LOC102723971: variants seen among roughly 807,000 people sequenced by gnomAD.
chr9:135,618,098 G>C, the LOC102723971 span: 2 of 398,608 alleles, frequency 5.0e-6, no homozygotes, highest in Non-Finnish European at 8.8e-6. Context: ...AGGGCCTGAG[G>C]GTCTGGGGCC....
chr9:135,617,465 G>A, the LOC102723971 span, among the ~76,000 whole-genome samples: 1 of 152,194 alleles, frequency 6.6e-6, no homozygotes, highest in Admixed American at 6.5e-5. Context: ...GTGTCCTGAA[G>A]ACGAGGTGGA....
the LOC102723971 span, among the ~76,000 whole-genome samples, chr9:135,614,722 G>A: frequency 4.6e-5 from 7 of 152,244 alleles, no homozygotes; most frequent in East Asian, 5.8e-4. Context: ...GAGCAGGGGA[G>A]GGGTTCACCC....
the LOC102723971 span, among the ~76,000 whole-genome samples, chr9:135,615,869 T>C: frequency 1.8e-3 from 269 of 152,316 alleles, 1 homozygote; most frequent in African/African-American, 5.9e-3. Flanking sequence ...CCGGCCCCGA[T>C]GTAAGCCAGG....
the LOC102723971 span, among the ~76,000 whole-genome samples, chr9:135,615,114 C>G: frequency 1.3e-5 from 2 of 152,212 alleles, no homozygotes; most frequent in Non-Finnish European, 2.9e-5. Flanking sequence ...AGGGGCACGA[C>G]CACCTGCTGA....
chr9:135,615,219 C>T, the LOC102723971 span: 1 of 394,966 alleles, frequency 2.5e-6, no homozygotes, highest in African/African-American at 2.1e-5. Context: ...TGTCCCGGCC[C>T]ACGCCCCTGC....
the LOC102723971 span, chr9:135,617,949 C>T: frequency 1.5e-5 from 6 of 398,552 alleles, no homozygotes; most frequent in Non-Finnish European, 2.2e-5. Flanking sequence ...CTGATTCCAG[C>T]GAGAAGAATG....
At chr9:135,618,847 T>C in the LOC102723971 span, 3 of 398,508 alleles carry the variant, frequency 7.5e-6, no homozygotes, top group Non-Finnish European at 8.8e-6. Context: ...TGTTTTGTGC[T>C]ATGTGATTGA....
At chr9:135,615,387 A>C in the LOC102723971 span, 252 of 398,684 alleles carry the variant, frequency 6.3e-4, no homozygotes, top group East Asian at 7.4e-3. Flanking sequence ...CTCACCCTGC[A>C]GCTGGCAGCC....
the LOC102723971 span, among the ~76,000 whole-genome samples, chr9:135,619,234 C>T: frequency 2.6e-5 from 4 of 152,204 alleles, no homozygotes; most frequent in Non-Finnish European, 5.9e-5. Context: ...GCAGTGTGCC[C>T]CAGCCTGGCC....
At chr9:135,618,215 T>G in the LOC102723971 span, among the ~76,000 whole-genome samples, 3 of 152,178 alleles carry the variant, frequency 2.0e-5, no homozygotes, top group African/African-American at 7.2e-5. Context: ...CAGCCCCACA[T>G]GACACAGTGA....
At chr9:135,619,860 CT>C in the LOC102723971 span, among the ~76,000 whole-genome samples, 1 of 125,886 alleles carries the variant, frequency 7.9e-6, no homozygotes, top group African/African-American at 3.0e-5. Context: ...TCTCCCCCTT[CT>C]CCCCCTTCTC....
chr9:135,617,877 A>AGAG, the LOC102723971 span: 1 of 397,932 alleles, frequency 2.5e-6, no homozygotes, highest in Non-Finnish European at 4.4e-6. Context: ...TGTTCTCCGC[A>AGAG]GAGGAGGAGG....
At chr9:135,618,781 C>A in the LOC102723971 span, among the ~76,000 whole-genome samples, 1 of 152,002 alleles carries the variant, frequency 6.6e-6, no homozygotes, top group African/African-American at 2.4e-5. Context: ...AGGGCCCTGG[C>A]AGGACACAGC....
At chr9:135,617,929 G>T in the LOC102723971 span, 1 of 398,638 alleles carries the variant, frequency 2.5e-6, no homozygotes, top group Admixed American at 4.4e-5. Flanking sequence ...GCCCCTCACT[G>T]TCAGCCCCTC....
chr9:135,617,250 C>T, the LOC102723971 span, among the ~76,000 whole-genome samples: 1 of 152,202 alleles, frequency 6.6e-6, no homozygotes, highest in Non-Finnish European at 1.5e-5. Context: ...ACGTGCACTG[C>T]GGGCCTGCTA....
chr9:135,614,306 G>T, the LOC102723971 span: 1 of 398,748 alleles, frequency 2.5e-6, no homozygotes, highest in Non-Finnish European at 4.4e-6. Flanking sequence ...TGCCCAGAAG[G>T]CTCTGGAAGA....
chr9:135,619,434 C>T, the LOC102723971 span, among the ~76,000 whole-genome samples: 20 of 152,232 alleles, frequency 1.3e-4, no homozygotes, highest in African/African-American at 3.1e-4. Context: ...CATGACCCCA[C>T]GGAGGCTGTT....
At chr9:135,614,194 C>T in the LOC102723971 span, 7 of 398,514 alleles carry the variant, frequency 1.8e-5, no homozygotes, top group Non-Finnish European at 2.7e-5. Context: ...GTCCGGGCAG[C>T]GCAGAGGAGG....
chr9:135,619,218 G>A, the LOC102723971 span, among the ~76,000 whole-genome samples: 1 of 152,196 alleles, frequency 6.6e-6, no homozygotes, highest in East Asian at 1.9e-4. Flanking sequence ...CAACAGCCAA[G>A]GGCCAGCAGT....
Sources: gnomAD v4.1 joint callset for allele counts (sites outside exome capture counted in the v4.1 genomes callset) on GRCh38, gnomAD v4.1.1 for gene constraint, MANE v1.5 for transcripts.